The following SSH1 variants were observed in gnomAD, a reference collection of about 807,000 sequenced individuals.
The protein encoded by SSH1 is protein phosphatase Slingshot homolog 1.
Under a neutral mutation model 79.7 loss-of-function variants are expected in SSH1, and 43 were observed. That is an observed-to-expected ratio of 0.54 (90% CI 0.42 to 0.70). SSH1 has a LOEUF of 0.70. SSH1 is among the 30% of genes least tolerant of loss of function. The pLI is 0.00. For missense variants in SSH1, 1,206 were observed against 1,358.8 expected, an observed-to-expected ratio of 0.89 and a Z score of 1.77; for synonymous variants, 599 against 538.3, an observed-to-expected ratio of 1.11 and a Z score of -1.56.
At chr12:108,798,276 C>A (rs573547128) in intron 13 of SSH1, among the ~76,000 whole-genome samples, 1 of 152,238 alleles carries the variant, frequency 6.6e-6, no homozygotes, top group Non-Finnish European at 1.5e-5. Context: ...CGACCACCCA[C>A]CTTGGCCTCC....
rs916897276 is a variant in SSH1 at position 108,807,327 on chromosome 12, T to G, written c.731+306A>C. On this transcript the variant is annotated intron_variant, in intron 8 of 14. Coordinates refer to ENST00000326495, the MANE Select transcript of SSH1 (RefSeq NM_018984.4). This position sits in a 1 kb window ranked among gnomAD's most constrained non-coding sequence, Gnocchi z 5.2. ...CCAGACCACAGAGCTCTGGAAGGAG[T>G]TGGGGACACAAAGGGCCACACATTC... Among the ~76,000 whole-genome samples, 1 of 151,720 alleles carries G rather than the reference T, an allele frequency of 6.6e-6. No individual in the cohort carries two copies. Among genetic ancestry groups the G allele is most frequent in the African/African-American group, 2.4e-5 (1 of 41,262 alleles).
At position 108,811,332 on chromosome 12, in the gene SSH1, C is replaced by A. The variant is rs762579754; in HGVS notation, c.402-4G>T. 2.5e-6 allele frequency: 4 copies of A among 1,614,120 alleles called. No homozygotes were observed. Among genetic ancestry groups the A allele is most frequent in the East Asian group, 2.2e-5 (1 of 44,884 alleles). The stretch of plus-strand genomic sequence containing the variant: ...CATCCCAATGGTGCAGCTTTTACTG[C>A]GATGGGGGAGAGAAGACATGTGGAG... On this transcript the variant is annotated splice_polypyrimidine_tract_variant and splice_region_variant and intron_variant, in intron 5 of 14. Coordinates refer to ENST00000326495, the MANE Select transcript of SSH1 (RefSeq NM_018984.4).
At chr12:108,818,839 C>T (rs190562291) in intron 3 of SSH1, among the ~76,000 whole-genome samples, 14 of 152,320 alleles carry the variant, frequency 9.2e-5, no homozygotes, top group Admixed American at 7.2e-4. Context: ...CTGCAACCTC[C>T]GCCTCCTGGA....
At chr12:108,852,307 C>T (rs1279065330) in intron 2 of SSH1, among the ~76,000 whole-genome samples, 2 of 150,210 alleles carry the variant, frequency 1.3e-5, no homozygotes, top group East Asian at 1.9e-4. Context: ...GCAATCTTGG[C>T]TCACTCTGCC....
In SSH1 at chr12:108,789,248, C is replaced by T; in HGVS notation, c.1894-4G>A. 1 of 1,589,182 alleles carries T rather than the reference C, an allele frequency of 6.3e-7. No homozygotes were observed. Among genetic ancestry groups the T allele is most frequent in the Non-Finnish European group, 8.6e-7 (1 of 1,166,938 alleles). On this transcript the variant is annotated splice_region_variant and splice_polypyrimidine_tract_variant and intron_variant, in intron 14 of 14. Coordinates refer to ENST00000326495, the MANE Select transcript of SSH1 (RefSeq NM_018984.4). Reference sequence around the variant, plus strand: ...GGATCCCAAATATAGCATCATCCTGCAAGGAAGGGGACAAGAGCATGGTGA... The same window carrying T: ...GGATCCCAAATATAGCATCATCCTGTAAGGAAGGGGACAAGAGCATGGTGA...
chr12:108,819,434 T>A (rs2038033163), intron 3 of SSH1, among the ~76,000 whole-genome samples: 1 of 152,226 alleles, frequency 6.6e-6, no homozygotes, highest in Non-Finnish European at 1.5e-5. Context: ...GCATAATTAG[T>A]AAGTAGCAGG....
At chr12:108,827,301 G>T (rs918716122) in intron 2 of SSH1, 1 of 1,551,142 alleles carries the variant, frequency 6.4e-7, no homozygotes, top group African/African-American at 1.4e-5. Flanking sequence ...AGAAGCAGTG[G>T]GTTGGCTGAA....
chr12:108,827,167 C>T (rs1450753834), intron 2 of SSH1: 1 of 1,227,632 alleles, frequency 8.1e-7, no homozygotes, highest in Non-Finnish European at 1.1e-6. Flanking sequence ...AATCAATGCT[C>T]CTCAAAAAAC....
Position 108,835,528 on chromosome 12 carries a change from G to C in SSH1, c.111-12167C>G, listed in dbSNP as rs559092315. Among the ~76,000 whole-genome samples the C allele has an allele frequency of 8.3e-4, 127 of 152,328 alleles. 2 individuals are homozygous for C. The highest frequency in any genetic ancestry group is 8.8e-5 in the Non-Finnish European group (6 of 68,030). ...GACCAAGGAGCCGGGAAGCAGGAAG[G>C]GGAAGGCAGGAGTGTAACTCTGAAA... On this transcript the variant is annotated intron_variant, in intron 2 of 14. Transcript: ENST00000326495.
chr12:108,837,364 A>G (rs2038662291), intron 2 of SSH1, among the ~76,000 whole-genome samples: 1 of 152,234 alleles, frequency 6.6e-6, no homozygotes, highest in South Asian at 2.1e-4. Flanking sequence ...ATCTTTTGTT[A>G]TGAAGGACAA....
rs2039162829 is a variant in SSH1, at chr12:108,857,213, GCACA to G, written c.69+211_69+214del. On this transcript the variant is annotated intron_variant, in intron 1 of 14. Transcript: ENST00000326495. This position sits in a 1 kb window ranked among gnomAD's most constrained non-coding sequence, Gnocchi z 4.7. ...GTCGCCCCCCGATAGGGGTCACACC[GCACA>G]CAAAGTCCCCGCACAGCTCCCCAAG... 6.6e-6 allele frequency among the ~76,000 whole-genome samples: 1 copy of G among 152,064 alleles called. No homozygotes were observed. The highest frequency in any genetic ancestry group is 1.5e-5 in the Non-Finnish European group (1 of 68,006).
Position 108,788,371 on chromosome 12 carries a change from G to C in SSH1, c.2767C>G (p.Pro923Ala), listed in dbSNP as rs1323034576. ...KDFLKTICYT[P>A]TSSSMSSNLT... ...TTGGAGCTCATGGAAGAGGAGGTGG[G>C]GGTGTAGCAGATGGTCTTCAGAAAG... Residue 923 changes from proline to alanine, a missense_variant, in exon 15 of 15, where the codon CCC becomes GCC. Pro to Ala is a conservative substitution (Grantham distance 27). This residue lies in a region of SSH1 where 709 missense variants were observed against 730.6 expected (regional missense o/e 0.97). Coordinates refer to ENST00000326495, the MANE Select transcript of SSH1 (RefSeq NM_018984.4). 2 of 1,612,878 alleles carry C rather than the reference G, an allele frequency of 1.2e-6. No homozygotes were observed. Among genetic ancestry groups the C allele is most frequent in the Admixed American group, 1.7e-5 (1 of 59,986 alleles).
chr12:108,788,120 G>A lies in SSH1; in HGVS notation c.3018C>T (p.Asp1006=). 6.2e-7 allele frequency: 1 copy of A among 1,614,086 alleles called. No individual in the cohort carries two copies. The highest frequency in any genetic ancestry group is 1.3e-5 in the African/African-American group (1 of 75,012). ...AGAAGGAAGATTCACTCAAAGTGGTGTCCTGGGAGTCAGCGACGGTGGACG... is the reference window on the plus strand; with the variant it reads ...AGAAGGAAGATTCACTCAAAGTGGTATCCTGGGAGTCAGCGACGGTGGACG... The part of the protein sequence containing the change: ...ADPSTVADSQ[D]TTLSESSFLH... Residue 1006 remains aspartate, a synonymous_variant, in exon 15 of 15, where the codon GAC becomes GAT. Coordinates refer to ENST00000326495, the MANE Select transcript of SSH1 (RefSeq NM_018984.4).
intron 2 of SSH1, among the ~76,000 whole-genome samples, chr12:108,851,704 T>C (rs1486109259): frequency 1.3e-5 from 2 of 152,192 alleles, no homozygotes; most frequent in Non-Finnish European, 2.9e-5. Context: ...TGGAATCTTT[T>C]AAATGAGCAG....
chr12:108,795,678 A>G (rs2036719616), intron 13 of SSH1, among the ~76,000 whole-genome samples: 1 of 152,064 alleles, frequency 6.6e-6, no homozygotes, highest in Admixed American at 6.6e-5. Context: ...CAACATACCA[A>G]AACCTTTTCT....
chr12:108,840,112 C>T (rs1224662095), intron 2 of SSH1, among the ~76,000 whole-genome samples: 1 of 152,236 alleles, frequency 6.6e-6, no homozygotes, highest in Admixed American at 6.5e-5. Flanking sequence ...ATTCTGCCCC[C>T]ACACTGCAGG....
In SSH1 at chr12:108,802,304, C is replaced by G; in HGVS notation, c.1001+18G>C. Reference sequence around the variant, plus strand: ...AGCTGCCTGGAAGGACAGGGAAAGACAAGGGGAGGAGACTCACCCTGAGCC... The same window carrying G: ...AGCTGCCTGGAAGGACAGGGAAAGAGAAGGGGAGGAGACTCACCCTGAGCC... On this transcript the variant is annotated intron_variant, in intron 11 of 14. Transcript: ENST00000326495. 1 of 1,612,806 alleles carries G rather than the reference C, an allele frequency of 6.2e-7. No homozygotes were observed. The highest frequency in any genetic ancestry group is 1.1e-5 in the South Asian group (1 of 91,006).
chr12:108,800,965 C>G, intron 11 of SSH1, 39 bp from the exon 12 acceptor site: 1 of 1,591,162 alleles, frequency 6.3e-7, no homozygotes, highest in Non-Finnish European at 8.6e-7. Context: ...TTTGGACAAT[C>G]TGAATGAGAA....
intron 5 of SSH1, 157 bp from the exon 6 acceptor site, chr12:108,811,485 C>G (rs767590465): frequency 4.0e-5 from 29 of 720,078 alleles, no homozygotes; most frequent in Non-Finnish European, 6.6e-5. Context: ...CTAGAAGACA[C>G]AGGTCTGGGA....
Sources: allele counts gnomAD v4.1 joint callset (sites outside exome capture counted in the v4.1 genomes callset), GRCh38; gene constraint gnomAD v4.1.1; regional missense constraint gnomAD v4.1.1; non-coding constraint Gnocchi (gnomAD v3.1); transcripts MANE v1.5; gene names NCBI Gene and HGNC (gene_info 2026-07-23, HGNC 2026-07-21).